OR5H14: variants seen among roughly 807,000 people sequenced by gnomAD.
OR5H14 encodes the protein olfactory receptor 5H14.
For missense variants in OR5H14, 392 were observed against 363.9 expected (o/e 1.08, Z -0.63); for synonymous variants, 155 against 130.6 (o/e 1.19, Z -1.28).
In OR5H14 at chr3:98,155,811, C is replaced by G. The variant is rs1189780882; in HGVS notation, c.*5493C>G. 1 of 152,040 alleles carries G rather than the reference C, an allele frequency of 6.6e-6. No homozygotes were observed. 9.4% of individuals were successfully genotyped at this position (152,040 alleles called of 1,614,324 possible). A position where few individuals can be genotyped will look rare whatever the true frequency, so the allele number is the denominator to read the frequency against. Reference sequence around the variant, plus strand: ...TATTTTATGTACAAACTGAAGTGTGCGTAAAATCTCAGAAGTGTTATGTGT... The same window carrying G: ...TATTTTATGTACAAACTGAAGTGTGGGTAAAATCTCAGAAGTGTTATGTGT... On this transcript the variant is annotated 3_prime_UTR_variant, in exon 2 of 2. Transcript: ENST00000641380.
chr3:98,150,496 G>A lies in OR5H14; in HGVS notation c.*178G>A, dbSNP rs556823255. The A allele has an allele frequency of 4.4e-4, 191 of 437,114 alleles. 1 individual carries two copies. The highest frequency in any genetic ancestry group is 3.5e-3 in the African/African-American group (175 of 49,450). 27.1% of individuals were successfully genotyped at this position (437,114 alleles called of 1,614,324 possible). A position where few individuals can be genotyped will look rare whatever the true frequency, so the allele number is the denominator to read the frequency against. ...AAAATATTCCTATGTTATTCAAAAG[G>A]ATTTGAGAAATTTTAATCAAGTCTT... On this transcript the variant is annotated 3_prime_UTR_variant, in exon 2 of 2. Transcript: ENST00000641380.
chr3:98,154,312 A>G lies in OR5H14; in HGVS notation c.*3994A>G, dbSNP rs1047622967. On this transcript the variant is annotated 3_prime_UTR_variant, in exon 2 of 2. Coordinates refer to ENST00000641380, the MANE Select transcript of OR5H14 (RefSeq NM_001005514.2). Reference sequence around the variant, plus strand: ...GGGTTGGATCTTTCCTGTCTACCTTAGGTACCTCACGTTTGGCTTCAGCTA... The same window carrying G: ...GGGTTGGATCTTTCCTGTCTACCTTGGGTACCTCACGTTTGGCTTCAGCTA... 3.3e-5 allele frequency: 5 copies of G among 152,208 alleles called. No individual in the cohort carries two copies. Among genetic ancestry groups the G allele is most frequent in the African/African-American group, 1.2e-4 (5 of 41,464 alleles). The allele number at this position is 152,208 out of a possible 1,614,324, so 9.4% of individuals were successfully genotyped here.
chr3:98,153,415 T>G lies in OR5H14; in HGVS notation c.*3097T>G, dbSNP rs1576107018. On this transcript the variant is annotated 3_prime_UTR_variant, in exon 2 of 2. Transcript: ENST00000641380. ...TAGCCAACATGGTGAAACCCCATCT[T>G]TATGAAAAATGCAAAAAATTAGCCG... 6.6e-6 allele frequency: 1 copy of G among 152,022 alleles called. No individual in the cohort carries two copies. Among genetic ancestry groups the G allele is most frequent in the South Asian group, 2.1e-4 (1 of 4,818 alleles). 9.4% of individuals were successfully genotyped at this position (152,022 alleles called of 1,614,324 possible).
rs1466863307 is a variant in OR5H14, at chr3:98,151,987, G to A, written c.*1669G>A. 3 of 152,158 alleles carry A rather than the reference G, an allele frequency of 2.0e-5. No individual in the cohort carries two copies. The highest frequency in any genetic ancestry group is 7.2e-5 in the African/African-American group (3 of 41,438). The allele number at this position is 152,158 out of a possible 1,614,324, so 9.4% of individuals were successfully genotyped here. ...AACAAACAACCCTATCAAAATATGG[G>A]TGAAGAATATGAACAGACAGTTCTC... On this transcript the variant is annotated 3_prime_UTR_variant, in exon 2 of 2. Transcript: ENST00000641380.
Position 98,153,197 on chromosome 3 carries a change from T to C in OR5H14, c.*2879T>C, listed in dbSNP as rs535407518. On this transcript the variant is annotated 3_prime_UTR_variant, in exon 2 of 2. Coordinates refer to ENST00000641380, the MANE Select transcript of OR5H14 (RefSeq NM_001005514.2). ...CAGCATACCAGCAAGATTACAATGA[T>C]GACCCCTTGAGGAAAATACCAAGGA... The C allele has an allele frequency of 1.3e-5, 2 of 152,310 alleles. No homozygotes were observed. Among genetic ancestry groups the C allele is most frequent in the African/African-American group, 4.8e-5 (2 of 41,574 alleles). 9.4% of individuals were successfully genotyped at this position (152,310 alleles called of 1,614,324 possible). A position where few individuals can be genotyped will look rare whatever the true frequency, so the allele number is the denominator to read the frequency against.
Position 98,149,705 on chromosome 3 carries a change from G to T in OR5H14, c.320G>T (p.Ser107Ile), listed in dbSNP as rs373748205. ...ATACAGTTGTTTTCGTTTGCAATCA[G>T]TGTAACCACGGAATGTTTTCTCTTG... ...CKIQLFSFAI[S>I]VTTECFLLAT... The change falls in exon 2 of 2, where the codon AGT becomes ATT. Residue 107 changes from serine (S) to isoleucine (I), a missense_variant. Ser to Ile is a moderately radical substitution (Grantham distance 142). Transcript: ENST00000641380. 6.2e-7 allele frequency: 1 copy of T among 1,613,202 alleles called. No individual in the cohort carries two copies. The highest frequency in any genetic ancestry group is 8.5e-7 in the Non-Finnish European group (1 of 1,179,638).
At position 98,149,849 on chromosome 3, in the gene OR5H14, A is replaced by T; in HGVS notation, c.464A>T (p.His155Leu). 4.3e-6 allele frequency: 7 copies of T among 1,613,078 alleles called. No individual in the cohort carries two copies. Among genetic ancestry groups the T allele is most frequent in the Non-Finnish European group, 5.9e-6 (7 of 1,179,748 alleles). The change falls in exon 2 of 2, where the codon CAT (histidine) becomes CTT (leucine). Residue 155 changes from histidine (H) to leucine (L), a missense_variant. Physicochemically the swap from His to Leu is moderately conservative, Grantham distance 99. Transcript: ENST00000641380. Reference sequence around the variant, plus strand: ...TTGTCATATGTAGGTGGTCTTCTTCATGCTTTAATCCATGAAGGATTTTTA... The same window carrying T: ...TTGTCATATGTAGGTGGTCTTCTTCTTGCTTTAATCCATGAAGGATTTTTA... Reference protein sequence around the residue: ...LILSYVGGLLHALIHEGFLFR... With the variant: ...LILSYVGGLLLALIHEGFLFR...
chr3:98,151,370 T>A lies in OR5H14; in HGVS notation c.*1052T>A, dbSNP rs917586800. On this transcript the variant is annotated 3_prime_UTR_variant, in exon 2 of 2. Transcript: ENST00000641380. ...AAGTCCTTATTAGTCTTCTTCTCAC[T>A]TCATATTCTTGAAGTATGTGAGTCA... The A allele has an allele frequency of 2.6e-5, 4 of 152,140 alleles. No individual in the cohort carries two copies. Among genetic ancestry groups the A allele is most frequent in the Non-Finnish European group, 5.9e-5 (4 of 68,004 alleles). The allele number at this position is 152,140 out of a possible 1,614,324, so 9.4% of individuals were successfully genotyped here. A position where few individuals can be genotyped will look rare whatever the true frequency, so the allele number is the denominator to read the frequency against.
At position 98,151,853 on chromosome 3, in the gene OR5H14, G is replaced by A. The variant is rs1708513205; in HGVS notation, c.*1535G>A. On this transcript the variant is annotated 3_prime_UTR_variant, in exon 2 of 2. Coordinates refer to ENST00000641380, the MANE Select transcript of OR5H14 (RefSeq NM_001005514.2). ...AACTTTTGTTAAGAACCTATCATCA[G>A]AGTGAACAGGCAAACTGCAGAATGG... The A allele has an allele frequency of 6.6e-6, 1 of 152,108 alleles. No homozygotes were observed. Among genetic ancestry groups the A allele is most frequent in the South Asian group, 2.1e-4 (1 of 4,830 alleles). 9.4% of individuals were successfully genotyped at this position (152,108 alleles called of 1,614,324 possible).
Position 98,150,220 on chromosome 3 carries a change from A to C in OR5H14, c.835A>C (p.Thr279Pro), listed in dbSNP as rs1576105211. The C allele has an allele frequency of 1.2e-6, 2 of 1,612,496 alleles. No individual in the cohort carries two copies. Among genetic ancestry groups the C allele is most frequent in the Non-Finnish European group, 1.7e-6 (2 of 1,179,072 alleles). ...DQDMMESLFY[T>P]VIVPLLNPMI... Reference sequence around the variant, plus strand: ...AGATATGATGGAGTCTCTATTTTACACTGTCATAGTTCCTTTATTAAATCC... The same window carrying C: ...AGATATGATGGAGTCTCTATTTTACCCTGTCATAGTTCCTTTATTAAATCC... The change falls in exon 2 of 2, where the codon ACT becomes CCT. Residue 279 changes from threonine (T) to proline (P), a missense_variant. Physicochemically the swap from Thr to Pro is conservative, Grantham distance 38 (BLOSUM62 -1). Transcript: ENST00000641380.
rs766532280 is a variant in OR5H14 at position 98,150,254 on chromosome 3, A to G, written c.869A>G (p.Tyr290Cys). Residue 290 changes from tyrosine to cysteine, a missense_variant, in exon 2 of 2, where the codon TAC becomes TGC. Coordinates refer to ENST00000641380, the MANE Select transcript of OR5H14 (RefSeq NM_001005514.2). ...VIVPLLNPMI[Y>C]SLRNKQVIAS... is the part of the protein sequence containing the mutation. Reference sequence around the variant, plus strand: ...GTTCCTTTATTAAATCCCATGATCTACAGCCTGAGAAACAAGCAAGTAATA... The same window carrying G: ...GTTCCTTTATTAAATCCCATGATCTGCAGCCTGAGAAACAAGCAAGTAATA... The G allele has an allele frequency of 2.5e-6, 4 of 1,605,816 alleles. No individual in the cohort carries two copies. In the South Asian group the frequency reaches 4.5e-5, roughly 18 times the overall value.
Position 98,151,574 on chromosome 3 carries a change from T to C in OR5H14, c.*1256T>C, listed in dbSNP as rs151286133. The C allele has an allele frequency of 2.0e-5, 3 of 152,174 alleles. No homozygotes were observed. The highest frequency in any genetic ancestry group is 2.9e-5 in the Non-Finnish European group (2 of 68,032). 9.4% of individuals were successfully genotyped at this position (152,174 alleles called of 1,614,324 possible). A position where few individuals can be genotyped will look rare whatever the true frequency, so the allele number is the denominator to read the frequency against. On this transcript the variant is annotated 3_prime_UTR_variant, in exon 2 of 2. Coordinates refer to ENST00000641380, the MANE Select transcript of OR5H14 (RefSeq NM_001005514.2). ...CCCATTTTGATGTCAGATTGTTTTTTCAACTCTTTCAATTTTCTTTTGTTG... is the reference window on the plus strand; with the variant it reads ...CCCATTTTGATGTCAGATTGTTTTTCCAACTCTTTCAATTTTCTTTTGTTG...
rs1708542633 is a variant in OR5H14 at position 98,153,922 on chromosome 3, C to G, written c.*3604C>G. The stretch of plus-strand genomic sequence containing the variant: ...GAAAACTCAAAGATAACAGACAGAA[C>G]TTGAATTTAATAATGAATGCACTAT... On this transcript the variant is annotated 3_prime_UTR_variant, in exon 2 of 2. Transcript: ENST00000641380. The G allele has an allele frequency of 1.3e-5, 2 of 152,084 alleles. No homozygotes were observed. The highest frequency in any genetic ancestry group is 4.8e-5 in the African/African-American group (2 of 41,428). 9.4% of individuals were successfully genotyped at this position (152,084 alleles called of 1,614,324 possible). A position where few individuals can be genotyped will look rare whatever the true frequency, so the allele number is the denominator to read the frequency against.
In OR5H14 at chr3:98,149,361, A is replaced by G. The variant is rs1708465265; in HGVS notation, c.-18-7A>G. ...TGTTCCCTTTCATTTGTTGCATTTT[A>G]TTTTAGAGGACATGCAGTGAGGACA... On this transcript the variant is annotated splice_polypyrimidine_tract_variant and splice_region_variant and intron_variant, in intron 1 of 1. Transcript: ENST00000641380. 3 of 1,607,430 alleles carry G rather than the reference A, an allele frequency of 1.9e-6. No homozygotes were observed. The highest frequency in any genetic ancestry group is 2.6e-6 in the Non-Finnish European group (3 of 1,176,090).
Position 98,149,634 on chromosome 3 carries a change from C to A in OR5H14, c.249C>A (p.Ile83=). 1 of 1,613,578 alleles carries A rather than the reference C, an allele frequency of 6.2e-7. No individual in the cohort carries two copies. The highest frequency in any genetic ancestry group is 8.5e-7 in the Non-Finnish European group (1 of 1,179,608). Residue 83 remains isoleucine (I), a synonymous_variant, in exon 2 of 2, where the codon ATC becomes ATA. Coordinates refer to ENST00000641380, the MANE Select transcript of OR5H14 (RefSeq NM_001005514.2). The part of the protein sequence containing the change: ...LSSSVTLKML[I]NFLAKSKMIS... ...CCTCAGTGACTCTGAAGATGCTGATCAACTTCTTAGCTAAGAGTAAGATGA... is the reference window on the plus strand; with the variant it reads ...CCTCAGTGACTCTGAAGATGCTGATAAACTTCTTAGCTAAGAGTAAGATGA...
chr3:98,149,487 AT>A lies in OR5H14; in HGVS notation c.103del (p.Tyr35IlefsTer11), dbSNP rs771495753. ...CCCTGTTCCTGGCATTCTTGGTAATATATCTCATCACCATCATGGGGAATCT... is the reference window on the plus strand; with the variant it reads ...CCCTGTTCCTGGCATTCTTGGTAATAATCTCATCACCATCATGGGGAATCT... ...IPLFLAFLVI[Y>X]LITIMGNLGL... On this transcript the variant is annotated frameshift_variant, in exon 2 of 2. Transcript: ENST00000641380. LOFTEE classifies it low-confidence loss of function (END_TRUNC). 3.7e-6 allele frequency: 6 copies of A among 1,613,378 alleles called. No homozygotes were observed. The Admixed American group carries it at 6.7e-5, about 18-fold the overall frequency.
chr3:98,150,041 T>A lies in OR5H14; in HGVS notation c.656T>A (p.Ile219Lys). ...ATAGGGACTGTTCTTATATCTTACA[T>A]ATTTGTCCTCTATACAATCTTGAAA... ...FTIGTVLISY[I>K]FVLYTILKKK... The change falls in exon 2 of 2, where the codon ATA (isoleucine) becomes AAA (lysine). Residue 219 changes from isoleucine to lysine, a missense_variant. Physicochemically the swap from Ile to Lys is moderately radical, Grantham distance 102. Coordinates refer to ENST00000641380, the MANE Select transcript of OR5H14 (RefSeq NM_001005514.2). The A allele has an allele frequency of 6.2e-7, 1 of 1,612,650 alleles. No individual in the cohort carries two copies. Among genetic ancestry groups the A allele is most frequent in the African/African-American group, 1.3e-5 (1 of 74,898 alleles).
chr3:98,150,290 C>T lies in OR5H14; in HGVS notation c.905C>T (p.Thr302Ile). ...LRNKQVIASF[T>I]KMFKRNDV ...AACAAGCAAGTAATAGCTTCATTCA[C>T]AAAAATGTTCAAAAGAAATGATGTT... The change falls in exon 2 of 2, where the codon ACA becomes ATA. Residue 302 changes from threonine to isoleucine, a missense_variant. Coordinates refer to ENST00000641380, the MANE Select transcript of OR5H14 (RefSeq NM_001005514.2). The T allele has an allele frequency of 6.3e-7, 1 of 1,578,386 alleles. No homozygotes were observed. Among genetic ancestry groups the T allele is most frequent in the Non-Finnish European group, 8.6e-7 (1 of 1,164,646 alleles).
In OR5H14 at chr3:98,155,258, G is replaced by A. The variant is rs545177665; in HGVS notation, c.*4940G>A. 3.3e-5 allele frequency: 5 copies of A among 152,202 alleles called. No individual in the cohort carries two copies. Among genetic ancestry groups the A allele is most frequent in the Admixed American group, 2.6e-4 (4 of 15,262 alleles). 9.4% of individuals were successfully genotyped at this position (152,202 alleles called of 1,614,324 possible). On this transcript the variant is annotated 3_prime_UTR_variant, in exon 2 of 2. Coordinates refer to ENST00000641380, the MANE Select transcript of OR5H14 (RefSeq NM_001005514.2). ...CCCTACCCTCTGGATTTTTGGAAAG[G>A]GTGATCTGAGTAATAATAAAACTTG...
Sources: allele counts gnomAD v4.1 joint callset, GRCh38; gene constraint gnomAD v4.1.1; transcripts MANE v1.5; gene names NCBI Gene and HGNC (gene_info 2026-07-23, HGNC 2026-07-21).